The following HMGN3 variants were observed in gnomAD, a reference collection of about 807,000 sequenced individuals.
HMGN3 encodes high mobility group nucleosomal binding domain 3.
A neutral mutation model predicts 18.8 loss-of-function variants in HMGN3; 6 were observed. The ratio of observed to expected loss-of-function variants is 0.32; its 90% confidence interval spans 0.18 to 0.63. HMGN3 has a LOEUF of 0.63. Ranked by LOEUF, HMGN3 falls within the 30% of genes least tolerant of loss-of-function variation. HMGN3 has a pLI of 0.79. For synonymous variants in HMGN3, 40 were observed against 36.5 expected (o/e 1.10, Z -0.35); for missense variants, 107 against 114.2 (o/e 0.94, Z 0.29).
intron 2 of HMGN3, among the ~76,000 whole-genome samples, chr6:79,213,989 T>C (rs1358607911): frequency 1.3e-5 from 2 of 152,304 alleles, no homozygotes; most frequent in Non-Finnish European, 2.9e-5. Context: ...TCCTACTGTT[T>C]AGCCCATCTT....
At chr6:79,211,140 T>TA (rs1375702720) in intron 2 of HMGN3, among the ~76,000 whole-genome samples, 1 of 151,916 alleles carries the variant, frequency 6.6e-6, no homozygotes, top group Admixed American at 6.6e-5. Flanking sequence ...TCTATGCCAT[T>TA]AAAAAAGACT....
At chr6:79,210,517 A>G (rs1412484037) in intron 2 of HMGN3, among the ~76,000 whole-genome samples, 1 of 152,214 alleles carries the variant, frequency 6.6e-6, no homozygotes, top group African/African-American at 2.4e-5. Context: ...CTCCTTGCAC[A>G]GGACCACCTT....
chr6:79,201,495 T>A (rs1042476032), exon 6 of HMGN3: 2 of 547,616 alleles, frequency 3.7e-6, no homozygotes, highest in Non-Finnish European at 3.2e-6. Context: ...TAACTGATAT[T>A]TATTTTACTT....
chr6:79,207,998 C>A (rs954261970), intron 3 of HMGN3, among the ~76,000 whole-genome samples: 1 of 152,158 alleles, frequency 6.6e-6, no homozygotes, highest in Non-Finnish European at 1.5e-5. Context: ...AGGATGTCCA[C>A]CTCAGAGGCT....
chr6:79,223,989 T>A (rs1265204643), intron 1 of HMGN3, among the ~76,000 whole-genome samples: 2 of 152,150 alleles, frequency 1.3e-5, no homozygotes, highest in African/African-American at 4.8e-5. Flanking sequence ...CACTGGGGTA[T>A]CAGGAAAGCA....
intron 1 of HMGN3, among the ~76,000 whole-genome samples, chr6:79,227,207 G>A (rs1777603478): frequency 1.3e-5 from 2 of 152,050 alleles, no homozygotes; most frequent in Admixed American, 1.3e-4. Flanking sequence ...AGGATCACTT[G>A]GTACCTGATC....
chr6:79,217,293 C>A (rs1777040024), intron 1 of HMGN3, among the ~76,000 whole-genome samples: 1 of 152,128 alleles, frequency 6.6e-6, no homozygotes, highest in African/African-American at 2.4e-5. Flanking sequence ...CAGTGTGATA[C>A]AATGGTATGA....
chr6:79,225,972 C>T (rs1379794050), intron 1 of HMGN3, among the ~76,000 whole-genome samples: 1 of 152,194 alleles, frequency 6.6e-6, no homozygotes, highest in Non-Finnish European at 1.5e-5. Context: ...AACAAATGAA[C>T]ACTCATGTTT....
intron 3 of HMGN3, 135 bp downstream of exon 3, chr6:79,208,412 G>C: frequency 2.6e-6 from 2 of 771,378 alleles, no homozygotes; most frequent in Non-Finnish European, 4.5e-6. Context: ...TGCTAGACAT[G>C]AGGACCCTAG....
chr6:79,206,482 C>T (rs1157922678), intron 3 of HMGN3, among the ~76,000 whole-genome samples: 1 of 152,200 alleles, frequency 6.6e-6, no homozygotes, highest in Non-Finnish European at 1.5e-5. Flanking sequence ...TGGCAGCTTC[C>T]ATGTGGTGTT....
chr6:79,206,402 C>T (rs35332837), intron 3 of HMGN3, among the ~76,000 whole-genome samples: 7,750 of 152,202 alleles, frequency 0.051, 216 homozygotes, highest in South Asian at 0.1. Flanking sequence ...GTCTCCCAGC[C>T]GCTCCAGCTG....
exon 1 of HMGN3, chr6:79,234,583 A>G (rs1236929118): frequency 3.7e-6 from 6 of 1,611,810 alleles, no homozygotes; most frequent in Non-Finnish European, 5.1e-6. Context: ...GGTGAAGCAA[A>G]AAGTAAAGCA....
At chr6:79,233,302 T>G (rs980344170) in intron 1 of HMGN3, among the ~76,000 whole-genome samples, 1 of 152,198 alleles carries the variant, frequency 6.6e-6, no homozygotes, top group Non-Finnish European at 1.5e-5. Flanking sequence ...TTTTAAACAC[T>G]TTCAATTATT....
At chr6:79,219,461 T>C (rs1184289012) in intron 1 of HMGN3, among the ~76,000 whole-genome samples, 1 of 151,950 alleles carries the variant, frequency 6.6e-6, no homozygotes, top group Non-Finnish European at 1.5e-5. Flanking sequence ...GGTTCAAATT[T>C]AGTAATAAGA....
chr6:79,225,604 T>G (rs987649729), intron 1 of HMGN3, among the ~76,000 whole-genome samples: 2 of 152,222 alleles, frequency 1.3e-5, no homozygotes, highest in Non-Finnish European at 2.9e-5. Context: ...CAAGGGAGTA[T>G]TCCCATTATT....
chr6:79,205,651 T>C (rs1047482070), intron 3 of HMGN3, among the ~76,000 whole-genome samples: 1 of 152,198 alleles, frequency 6.6e-6, no homozygotes, highest in African/African-American at 2.4e-5. Flanking sequence ...AGTAAATTGG[T>C]ACCAGAAGAG....
intron 1 of HMGN3, among the ~76,000 whole-genome samples, chr6:79,218,996 A>G (rs1777136375): frequency 6.6e-6 from 1 of 152,186 alleles, no homozygotes; most frequent in Non-Finnish European, 1.5e-5. Flanking sequence ...TGGTTAATTG[A>G]GAAGCTCCAC....
chr6:79,217,562 C>T (rs1279277006), intron 1 of HMGN3, among the ~76,000 whole-genome samples: 7 of 152,164 alleles, frequency 4.6e-5, no homozygotes, highest in African/African-American at 1.4e-4. Context: ...CAGTATGAAA[C>T]TATATTCAAC....
chr6:79,229,013 T>C (rs151071392), intron 1 of HMGN3, among the ~76,000 whole-genome samples: 137 of 152,348 alleles, frequency 9.0e-4, no homozygotes, highest in Middle Eastern at 3.4e-3. Flanking sequence ...TTTCAACAAA[T>C]GGTGCTGAGG....
Sources: allele counts gnomAD v4.1 joint callset (sites outside exome capture counted in the v4.1 genomes callset), GRCh38; gene constraint gnomAD v4.1.1; transcripts MANE v1.5; gene names NCBI Gene and HGNC (gene_info 2026-07-23, HGNC 2026-07-21).